The following KCNT2 variants were observed in gnomAD, a reference collection of about 807,000 sequenced individuals.
KCNT2 encodes potassium channel subfamily T member 2.
In KCNT2, 67 loss-of-function variants were observed where a neutral mutation model predicts 153.8. The observed-to-expected ratio is 0.44, with a 90% CI of 0.36 to 0.53. The LOEUF is 0.53. Among genes scored for constraint, KCNT2 ranks in the 20% least tolerant of loss-of-function variants. KCNT2 has a pLI of 0.00. For synonymous variants in KCNT2, 500 were observed against 458.8 expected (o/e 1.09, Z -1.15); for missense variants, 975 against 1,354.8 (o/e 0.72, Z 4.40).
At chr1:196,464,812 G>C (rs1428359783) in intron 8 of KCNT2, among the ~76,000 whole-genome samples, 1 of 152,044 alleles carries the variant, frequency 6.6e-6, no homozygotes, top group Non-Finnish European at 1.5e-5. Context: ...GAAGTGCCAG[G>C]TCTTGCCTTG....
chr1:196,440,304 A>G (rs1012643290), intron 8 of KCNT2, among the ~76,000 whole-genome samples: 22 of 152,026 alleles, frequency 1.4e-4, no homozygotes, highest in Non-Finnish European at 1.0e-4. Flanking sequence ...TGAAAATCCA[A>G]TTTGGCAGTA....
intron 1 of KCNT2, among the ~76,000 whole-genome samples, chr1:196,570,899 T>C (rs1472156025): frequency 6.6e-6 from 1 of 152,048 alleles, no homozygotes; most frequent in African/African-American, 2.4e-5. Context: ...AAAAATCAAG[T>C]CTTTATTTCC....
At chr1:196,574,829 GT>G (rs1039215119) in intron 1 of KCNT2, among the ~76,000 whole-genome samples, 1 of 151,716 alleles carries the variant, frequency 6.6e-6, no homozygotes, top group Non-Finnish European at 1.5e-5. Context: ...CATAAGAAGG[GT>G]TTTTTCTTTT....
intron 22 of KCNT2, among the ~76,000 whole-genome samples, chr1:196,298,345 T>G (rs548383534): frequency 6.6e-6 from 1 of 152,124 alleles, no homozygotes; most frequent in Non-Finnish European, 1.5e-5. Context: ...AGCTACAAAT[T>G]TGGGGCTTCC....
intron 14 of KCNT2, among the ~76,000 whole-genome samples, chr1:196,355,614 C>T (rs1023060926): frequency 2.4e-4 from 36 of 151,656 alleles, no homozygotes; most frequent in African/African-American, 7.5e-4. Context: ...CTGCCCTTAA[C>T]GTTGGTTTCT....
intron 13 of KCNT2, among the ~76,000 whole-genome samples, chr1:196,384,212 T>C (rs1324719998): frequency 1.3e-5 from 2 of 152,190 alleles, no homozygotes; most frequent in Non-Finnish European, 2.9e-5. Flanking sequence ...AGCTGTTAAC[T>C]TCAATTGAAG....
chr1:196,472,162 G>A (rs1036363118), intron 5 of KCNT2, among the ~76,000 whole-genome samples: 1 of 152,088 alleles, frequency 6.6e-6, no homozygotes, highest in African/African-American at 2.4e-5. Context: ...TAAAATGCTT[G>A]TTGGGGCTCA....
At position 196,342,239 on chromosome 1, in the gene KCNT2, G is replaced by A. The variant is rs1396985630; in HGVS notation, c.1404-11C>T. The A allele has an allele frequency of 1.9e-6, 3 of 1,607,668 alleles. No individual in the cohort carries two copies. The highest frequency in any genetic ancestry group is 4.5e-5 in the East Asian group (2 of 44,628). ...GATTGCTGGCCTTCTCTGCAACACA[G>A]GCACACACACATACACACACACAAA... is the stretch of plus-strand genomic sequence containing the variant. On this transcript the variant is annotated splice_polypyrimidine_tract_variant and intron_variant, in intron 14 of 27. Transcript: ENST00000294725.
chr1:196,483,416 A>T (rs1439616787), intron 3 of KCNT2, among the ~76,000 whole-genome samples: 1 of 152,072 alleles, frequency 6.6e-6, no homozygotes, highest in Admixed American at 6.6e-5. Flanking sequence ...GCCTTCTACC[A>T]TTTTTCTCCA....
At chr1:196,375,640 TATTAGA>T (rs1383320112) in intron 13 of KCNT2, among the ~76,000 whole-genome samples, 1 of 151,710 alleles carries the variant, frequency 6.6e-6, no homozygotes, top group Non-Finnish European at 1.5e-5. Flanking sequence ...TTCTCTTTCA[TATTAGA>T]ATTAGAATAT....
rs550586058 is a variant in KCNT2, at chr1:196,466,012, T to C, written c.544-625A>G. The stretch of plus-strand genomic sequence containing the variant: ...ACTAAGTTGACTGATTTGGATTTCA[T>C]CTCTCACCCTTTAGTCTCTAATGGC... On this transcript the variant is annotated intron_variant, in intron 7 of 27. Coordinates refer to ENST00000294725, the MANE Select transcript of KCNT2 (RefSeq NM_198503.5). Among the ~76,000 whole-genome samples, 6 of 152,136 alleles carry C rather than the reference T, an allele frequency of 3.9e-5. No individual in the cohort carries two copies. In the South Asian group the frequency reaches 1.2e-3, roughly 31 times the overall value.
At chr1:196,283,932 C>T (rs1659373595) in intron 23 of KCNT2, among the ~76,000 whole-genome samples, 2 of 151,604 alleles carry the variant, frequency 1.3e-5, no homozygotes, top group African/African-American at 2.4e-5. Context: ...TTTACTGTGT[C>T]AAAATTTAAG....
At position 196,277,099 on chromosome 1, in the gene KCNT2, T is replaced by C. The variant is rs963696764; in HGVS notation, c.2910+3761A>G. Among the ~76,000 whole-genome samples, 4 of 152,186 alleles carry C rather than the reference T, an allele frequency of 2.6e-5. No individual in the cohort carries two copies. In the South Asian group the frequency reaches 6.2e-4, roughly 24 times the overall value. The stretch of plus-strand genomic sequence containing the variant: ...CTTGTGATTCAAATCTTAGAACTCC[T>C]AGACTAATTCTCTAATTTTATCTTT... On this transcript the variant is annotated intron_variant, in intron 25 of 27. Transcript: ENST00000294725.
intron 22 of KCNT2, among the ~76,000 whole-genome samples, chr1:196,288,807 GT>G (rs1659914180): frequency 6.6e-6 from 1 of 152,038 alleles, no homozygotes; most frequent in South Asian, 2.1e-4. Context: ...TTGGACTTGG[GT>G]TTTGATGCCA....
chr1:196,511,961 C>T (rs1360308122), intron 1 of KCNT2, among the ~76,000 whole-genome samples: 2 of 152,288 alleles, frequency 1.3e-5, no homozygotes, highest in East Asian at 3.9e-4. Flanking sequence ...AGCAACAGGT[C>T]TGAAATCACT....
intron 8 of KCNT2, among the ~76,000 whole-genome samples, chr1:196,456,142 C>G (rs1443485018): frequency 6.6e-6 from 1 of 151,980 alleles, no homozygotes; most frequent in East Asian, 1.9e-4. Flanking sequence ...GAGGCATGAA[C>G]AGGTAGAAGC....
At chr1:196,387,686 T>C (rs563544895) in intron 13 of KCNT2, among the ~76,000 whole-genome samples, 1 of 152,100 alleles carries the variant, frequency 6.6e-6, no homozygotes, top group East Asian at 1.9e-4. Flanking sequence ...TCTTTTCATA[T>C]GCTTAATGGT....
intron 1 of KCNT2, among the ~76,000 whole-genome samples, chr1:196,583,753 C>T (rs1316861970): frequency 1.3e-5 from 2 of 151,654 alleles, no homozygotes; most frequent in Non-Finnish European, 2.9e-5. Context: ...TGAAAAAGAT[C>T]ATCAGAAATT....
intron 1 of KCNT2, among the ~76,000 whole-genome samples, chr1:196,523,154 G>A (rs974068635): frequency 6.6e-6 from 1 of 151,964 alleles, no homozygotes; most frequent in South Asian, 2.1e-4. Flanking sequence ...AACAACTCTG[G>A]ACGCACCACC....
Sources: allele counts gnomAD v4.1 joint callset (sites outside exome capture counted in the v4.1 genomes callset), GRCh38; gene constraint gnomAD v4.1.1; transcripts MANE v1.5; gene names NCBI Gene and HGNC (gene_info 2026-07-23, HGNC 2026-07-21).